Variants in DNMT1 observed in about 807,000 individuals in gnomAD.
DNMT1 encodes the protein DNA methyltransferase 1.
Under a neutral mutation model 205.3 loss-of-function variants are expected in DNMT1, and 24 were observed. That is an observed-to-expected ratio of 0.12 (90% CI 0.08 to 0.16). The LOEUF (loss-of-function observed/expected upper bound fraction) is 0.16. DNMT1 is among the 10% of genes least tolerant of loss of function. The pLI, the probability that DNMT1 is intolerant of heterozygous loss-of-function variation, is 1.00. For synonymous variants in DNMT1, 817 were observed against 839.8 expected (o/e 0.97, Z 0.47); for missense variants, 1,293 against 2,177.7 (o/e 0.59, Z 8.09).
Position 10,141,175 on chromosome 19 carries a change from C to A in DNMT1, c.3324G>T (p.Lys1108Asn). The A allele has an allele frequency of 6.2e-7, 1 of 1,614,000 alleles. No homozygotes were observed. Among genetic ancestry groups the A allele is most frequent in the Non-Finnish European group, 8.5e-7 (1 of 1,180,016 alleles). The stretch of plus-strand genomic sequence containing the variant: ...TGGGAGGATCTTCAAAGCTTTTGCT[C>A]TTTGCATTATAGGCCTGAAAAGGAG... ...RFYFLEAYNA[K>N]SKSFEDPPNH... is the part of the protein sequence containing the mutation. The change falls in exon 31 of 41, where the codon AAG becomes AAT. Residue 1108 changes from lysine (K) to asparagine (N), a missense_variant. Lys to Asn is a moderately conservative substitution (Grantham distance 94). This residue lies in a region of DNMT1 where 167 missense variants were observed against 258.1 expected (regional missense o/e 0.65). Coordinates refer to ENST00000359526, the MANE Select transcript of DNMT1 (RefSeq NM_001130823.3).
rs575808559 is a variant in DNMT1 at position 10,194,688 on chromosome 19, T to G, written c.80+132A>C. 42 of 1,272,698 alleles carry G rather than the reference T, an allele frequency of 3.3e-5. No homozygotes were observed. In the Admixed American group the frequency reaches 6.5e-4, roughly 20 times the overall value. 78.8% of individuals were successfully genotyped at this position (1,272,698 alleles called of 1,614,324 possible). ...CCACCCTGCCCGCGCCAACTGCCGCTGCGCGCCGCACCACCCCACGCATGC... is the reference window on the plus strand; with the variant it reads ...CCACCCTGCCCGCGCCAACTGCCGCGGCGCGCCGCACCACCCCACGCATGC... On this transcript the variant is annotated intron_variant, in intron 1 of 40. Coordinates refer to ENST00000359526, the MANE Select transcript of DNMT1 (RefSeq NM_001130823.3).
intron 1 of DNMT1, among the ~76,000 whole-genome samples, chr19:10,188,079 T>C (rs1599408272): frequency 6.6e-6 from 1 of 152,200 alleles, no homozygotes; most frequent in Admixed American, 6.5e-5. Context: ...TGAGCTATAA[T>C]TGTGCCGCTG....
chr19:10,174,749 T>C (rs1037713075), intron 7 of DNMT1, among the ~76,000 whole-genome samples: 2 of 149,254 alleles, frequency 1.3e-5, no homozygotes, highest in Non-Finnish European at 3.0e-5. Flanking sequence ...AAAAAACAAA[T>C]TGGCTGGGCA....
At chr19:10,176,027 G>C (rs559437121) in intron 6 of DNMT1, among the ~76,000 whole-genome samples, 6 of 152,258 alleles carry the variant, frequency 3.9e-5, no homozygotes, top group Non-Finnish European at 7.4e-5. Flanking sequence ...CATTAGCCAG[G>C]GGTTGTGGCG....
chr19:10,133,629 T>C lies in DNMT1; in HGVS notation c.*38A>G. The stretch of plus-strand genomic sequence containing the variant: ...ACACAACATCAGTGCATGTTGGGGA[T>C]TCCTGGTGCCAGAAACAGGGGTGAC... On this transcript the variant is annotated 3_prime_UTR_variant, in exon 41 of 41. Transcript: ENST00000359526. The surrounding 1 kb of genome is among the most constrained non-coding windows in gnomAD (Gnocchi z 4.1). The C allele has an allele frequency of 6.3e-7, 1 of 1,588,116 alleles. No individual in the cohort carries two copies. Among genetic ancestry groups the C allele is most frequent in the Non-Finnish European group, 8.6e-7 (1 of 1,165,976 alleles).
chr19:10,148,228 G>A (rs1186555603), intron 27 of DNMT1, among the ~76,000 whole-genome samples: 1 of 151,028 alleles, frequency 6.6e-6, no homozygotes, highest in East Asian at 1.9e-4. Flanking sequence ...CAGGTGTGGT[G>A]GCTCACGCCT....
rs1404594437 is a variant in DNMT1 at position 10,159,379 on chromosome 19, C to T, written c.1280+279G>A. On this transcript the variant is annotated intron_variant, in intron 17 of 40. Coordinates refer to ENST00000359526, the MANE Select transcript of DNMT1 (RefSeq NM_001130823.3). This position sits in a 1 kb window ranked among gnomAD's most constrained non-coding sequence, Gnocchi z 5.0. ...TACAGTCGCGTACCACCACACCTGGCTACTTTTTGTATTTTCGGTAGGTTT... is the reference window on the plus strand; with the variant it reads ...TACAGTCGCGTACCACCACACCTGGTTACTTTTTGTATTTTCGGTAGGTTT... 1.3e-5 allele frequency among the ~76,000 whole-genome samples: 2 copies of T among 152,152 alleles called. No homozygotes were observed. Among genetic ancestry groups the T allele is most frequent in the African/African-American group, 4.8e-5 (2 of 41,434 alleles).
At chr19:10,183,126 T>TATATACGTGTGTATATATATATATA (rs200261595) in intron 1 of DNMT1, among the ~76,000 whole-genome samples, 3 of 90,926 alleles carry the variant, frequency 3.3e-5, no homozygotes, top group African/African-American at 1.3e-4. Flanking sequence ...TATATATATA[T>TATATACGTGTGTATATATATATATA]TTTTTTTTTT....
chr19:10,182,487 GTGTATATATATGTGTGTA>G (rs1568256397), intron 1 of DNMT1, among the ~76,000 whole-genome samples: 16 of 130,494 alleles, frequency 1.2e-4, no homozygotes, highest in African/African-American at 3.3e-4. Flanking sequence ...ACATATATAT[GTGTATATATATGTGTGTA>G]TATATATACA....
In DNMT1 at chr19:10,146,616, A is replaced by C; in HGVS notation, c.2721-92T>G. On this transcript the variant is annotated intron_variant, in intron 27 of 40. Transcript: ENST00000359526. The surrounding 1 kb of genome is among the most constrained non-coding windows in gnomAD (Gnocchi z 4.4). The stretch of plus-strand genomic sequence containing the variant: ...GCCAGCTTAATCCAGAGACTCTGGT[A>C]ACCAAGAGGAAAAAACATTTGCAGA... The C allele has an allele frequency of 6.6e-7, 1 of 1,522,206 alleles. No homozygotes were observed. The highest frequency in any genetic ancestry group is 9.0e-7 in the Non-Finnish European group (1 of 1,115,224). 94.3% of individuals were successfully genotyped at this position (1,522,206 alleles called of 1,614,324 possible). A position where few individuals can be genotyped will look rare whatever the true frequency, so the allele number is the denominator to read the frequency against.
At chr19:10,152,056 A>AG (rs2038353581) in intron 22 of DNMT1, among the ~76,000 whole-genome samples, 1 of 143,336 alleles carries the variant, frequency 7.0e-6, no homozygotes, top group African/African-American at 2.6e-5. Flanking sequence ...GCTACTTGGG[A>AG]GGCTGAGGCA....
chr19:10,140,114 G>A lies in DNMT1; in HGVS notation c.3738C>T (p.Ser1246=), dbSNP rs776059556. The change falls in exon 33 of 41, where the codon AGC becomes AGT. Residue 1246 remains serine (S), a synonymous_variant. Coordinates refer to ENST00000359526, the MANE Select transcript of DNMT1 (RefSeq NM_001130823.3). The surrounding 1 kb of genome is among the most constrained non-coding windows in gnomAD (Gnocchi z 8.4). The part of the protein sequence containing the change: ...LCGGPPCQGF[S]GMNRFNSRTY... ...TGCGCGAATTGAAGCGGTTCATGCC[G>A]CTGAAGCCCTGGCAGGGCGGCCCGC... 34 of 1,613,820 alleles carry A rather than the reference G, an allele frequency of 2.1e-5. No individual in the cohort carries two copies. The highest frequency in any genetic ancestry group is 1.3e-4 in the Admixed American group (8 of 60,002).
rs77593606 is a variant in DNMT1 at position 10,151,292 on chromosome 19, G to A, written c.2265+106C>T. 3.7e-3 allele frequency: 5,714 copies of A among 1,527,350 alleles called. 120 individuals carry two copies. Among genetic ancestry groups the A allele is most frequent in the East Asian group, 0.035 (1,563 of 44,536 alleles). The allele number at this position is 1,527,350 out of a possible 1,614,324, so 94.6% of individuals were successfully genotyped here. On this transcript the variant is annotated intron_variant, in intron 24 of 40. Coordinates refer to ENST00000359526, the MANE Select transcript of DNMT1 (RefSeq NM_001130823.3). The surrounding 1 kb of genome is among the most constrained non-coding windows in gnomAD (Gnocchi z 5.0). Reference sequence around the variant, plus strand: ...CAGGGGCAAACAGACAGGTTTCTTAGTGCCGGGGCTCAGGCTGCCTGAGAG... The same window carrying A: ...CAGGGGCAAACAGACAGGTTTCTTAATGCCGGGGCTCAGGCTGCCTGAGAG...
In DNMT1 at chr19:10,149,341, A is replaced by G. The variant is rs1046943173; in HGVS notation, c.2586+112T>C. ...ACTCAGTCTCAAAACAAAAAAAAAAACAAAAAAAAAACCAAATTAAAAAAA... is the reference window on the plus strand; with the variant it reads ...ACTCAGTCTCAAAACAAAAAAAAAAGCAAAAAAAAAACCAAATTAAAAAAA... On this transcript the variant is annotated intron_variant, in intron 26 of 40. Coordinates refer to ENST00000359526, the MANE Select transcript of DNMT1 (RefSeq NM_001130823.3). The G allele has an allele frequency of 1.2e-4, 153 of 1,314,102 alleles. 1 individual carries two copies. In the East Asian group the frequency reaches 3.7e-3, roughly 32 times the overall value. The allele number at this position is 1,314,102 out of a possible 1,614,324, so 81.4% of individuals were successfully genotyped here.
rs71188885 is a variant in DNMT1 at position 10,171,847 on chromosome 19, A to AT, written c.768+1242_768+1243insA. ...AATAAATAAATAAATAAATAAATAA[A>AT]AACACAAAAATTAGCCAGGTGTGGT... On this transcript the variant is annotated intron_variant, in intron 9 of 40. Coordinates refer to ENST00000359526, the MANE Select transcript of DNMT1 (RefSeq NM_001130823.3). 5.3e-5 allele frequency among the ~76,000 whole-genome samples: 8 copies of AT among 151,330 alleles called. No homozygotes were observed. The South Asian group carries it at 1.5e-3, about 28-fold the overall frequency.
rs564017688 is a variant in DNMT1 at position 10,146,226 on chromosome 19, C to T, written c.2894+125G>A. 109 of 1,174,218 alleles carry T rather than the reference C, an allele frequency of 9.3e-5. No homozygotes were observed. In the African/African-American group the frequency reaches 1.1e-3, roughly 12 times the overall value. 72.7% of individuals were successfully genotyped at this position (1,174,218 alleles called of 1,614,324 possible). A position where few individuals can be genotyped will look rare whatever the true frequency, so the allele number is the denominator to read the frequency against. ...GTTGTCTGTTTGCCACCTATGCCAA[C>T]GTGACGGCTAGGACAACAGCTGGTG... On this transcript the variant is annotated intron_variant, in intron 28 of 40. Transcript: ENST00000359526. This position sits in a 1 kb window ranked among gnomAD's most constrained non-coding sequence, Gnocchi z 4.4.
chr19:10,194,749 G>A (rs888073426), intron 1 of DNMT1, 71 bp downstream of exon 1: 2 of 1,516,378 alleles, frequency 1.3e-6, no homozygotes, highest in Non-Finnish European at 8.9e-7. Context: ...CGGCCACCCC[G>A]AGGGGAAGCG....
chr19:10,164,122 A>G (rs992483560), intron 11 of DNMT1, among the ~76,000 whole-genome samples: 5 of 152,180 alleles, frequency 3.3e-5, no homozygotes, highest in African/African-American at 1.2e-4. Context: ...TACAAAAAGC[A>G]GCATATATAT....
In DNMT1 at chr19:10,180,260, C is replaced by T. The variant is rs779835584; in HGVS notation, c.446-26G>A. On this transcript the variant is annotated intron_variant, in intron 4 of 40. Coordinates refer to ENST00000359526, the MANE Select transcript of DNMT1 (RefSeq NM_001130823.3). Reference sequence around the variant, plus strand: ...CTGGGAGGCAGAGGTTACAGTGAGCCGAGGTTACACCACTGTGCTCCAGAC... The same window carrying T: ...CTGGGAGGCAGAGGTTACAGTGAGCTGAGGTTACACCACTGTGCTCCAGAC... 9 of 1,501,444 alleles carry T rather than the reference C, an allele frequency of 6.0e-6. No individual in the cohort carries two copies. The East Asian group carries it at 9.2e-5, about 15-fold the overall frequency. 93.0% of individuals were successfully genotyped at this position (1,501,444 alleles called of 1,614,324 possible). A position where few individuals can be genotyped will look rare whatever the true frequency, so the allele number is the denominator to read the frequency against.
Sources: allele counts gnomAD v4.1 joint callset (sites outside exome capture counted in the v4.1 genomes callset), GRCh38; gene constraint gnomAD v4.1.1; regional missense constraint gnomAD v4.1.1; non-coding constraint Gnocchi (gnomAD v3.1); transcripts MANE v1.5; gene names NCBI Gene and HGNC (gene_info 2026-07-23, HGNC 2026-07-21).